The following CCDC136 variants were observed in gnomAD, a reference collection of about 807,000 sequenced individuals.
CCDC136 encodes the protein coiled-coil domain-containing protein 136.
CCDC136 carries 100 observed loss-of-function variants against 141.2 expected under a neutral mutation model. The observed-to-expected ratio is 0.71, with a 90% confidence interval of 0.60 to 0.84. CCDC136 has a LOEUF of 0.84. Among genes scored for constraint, CCDC136 ranks in the 40% least tolerant of loss-of-function variants. CCDC136 has a pLI of 0.00. For synonymous variants in CCDC136, 474 were observed against 531.9 expected, an observed-to-expected ratio of 0.89 and a Z score of 1.50; for missense variants, 1,206 against 1,379.4, an observed-to-expected ratio of 0.87 and a Z score of 1.99.
At position 128,811,739 on chromosome 7, in the gene CCDC136, G is replaced by A; in HGVS notation, c.2029-61G>A. ...CTCTCAGACATCTGTACCAGGAGAG[G>A]TGCAGCTGGAAGGACTGAAGTGTCA... is the stretch of plus-strand genomic sequence containing the variant. On this transcript the variant is annotated intron_variant, in intron 12 of 17. Coordinates refer to ENST00000297788, the MANE Select transcript of CCDC136 (RefSeq NM_022742.5). 3 of 1,446,476 alleles carry A rather than the reference G, an allele frequency of 2.1e-6. No homozygotes were observed. The South Asian group carries it at 4.1e-5, about 20-fold the overall frequency. The allele number at this position is 1,446,476 out of a possible 1,614,324, so 89.6% of individuals were successfully genotyped here. A position where few individuals can be genotyped will look rare whatever the true frequency, so the allele number is the denominator to read the frequency against.
chr7:128,810,159 G>C lies in CCDC136; in HGVS notation c.1821G>C (p.Lys607Asn). The C allele has an allele frequency of 1.3e-6, 2 of 1,595,716 alleles. No individual in the cohort carries two copies. The highest frequency in any genetic ancestry group is 1.7e-6 in the Non-Finnish European group (2 of 1,170,950). Residue 607 changes from lysine to asparagine, a missense_variant, in exon 12 of 18, where the codon AAG becomes AAC. By Grantham distance (94) the Lys-to-Asn change is moderately conservative. Transcript: ENST00000297788. The stretch of plus-strand genomic sequence containing the variant: ...CTCAGAGTCAGGAGCTACTCACCAA[G>C]TTAGAAGACCTGTGTGAGCTGCAGC... The part of the protein sequence containing the change: ...LLLKSQELLT[K>N]LEDLCELQLL...
chr7:128,812,409 G>A, intron 13 of CCDC136, 97 bp downstream of exon 13: 1 of 1,353,596 alleles, frequency 7.4e-7, no homozygotes, highest in South Asian at 1.4e-5. Flanking sequence ...GTGTGGGAAT[G>A]GGGTCAGAAC....
rs778961909 is a variant in CCDC136 at position 128,812,213 on chromosome 7, TAAG to T, written c.2447_2449del (p.Lys816del). ...CTACCAGCAACAGCAGCATTACCTA[TAAG>T]AAGAGTTACGGCAGCACCAGTAGCT... On this transcript the variant is annotated inframe_deletion, in exon 13 of 18. Transcript: ENST00000297788. 4 of 1,613,812 alleles carry T rather than the reference TAAG, an allele frequency of 2.5e-6. No homozygotes were observed. The highest frequency in any genetic ancestry group is 2.2e-5 in the South Asian group (2 of 91,082).
chr7:128,792,469 T>A, intron 1 of CCDC136, 42 bp downstream of exon 1: 1 of 1,454,678 alleles, frequency 6.9e-7, no homozygotes, highest in Non-Finnish European at 9.5e-7. Context: ...CCTCCCCTCC[T>A]CCCTTAATTC....
chr7:128,810,366 G>T lies in CCDC136; in HGVS notation c.2028G>T (p.Lys676Asn). 6.2e-7 allele frequency: 1 copy of T among 1,604,962 alleles called. No individual in the cohort carries two copies. Among genetic ancestry groups the T allele is most frequent in the Non-Finnish European group, 8.5e-7 (1 of 1,172,458 alleles). ...AGTCCTCCAAATGTAATCGAAACAA[G>T]GTAACCATAGCAAGAGGTAGGGAGA... ...LAKSSKCNRN[K>N]QSKLLMEQMQ... Residue 676 changes from lysine (K) to asparagine (N), a missense_variant and splice_region_variant, in exon 12 of 18, where the codon AAG (lysine) becomes AAT (asparagine). Physicochemically the swap from Lys to Asn is moderately conservative, Grantham distance 94. Transcript: ENST00000297788.
chr7:128,798,882 TG>T (rs1562907221), intron 3 of CCDC136, among the ~76,000 whole-genome samples: 1 of 151,980 alleles, frequency 6.6e-6, no homozygotes, highest in East Asian at 1.9e-4. Flanking sequence ...ATTCTAGAAC[TG>T]GAAAGATTGG....
chr7:128,817,105 A>G lies in CCDC136; in HGVS notation c.3364-653A>G, dbSNP rs1038914006. Among the ~76,000 whole-genome samples, 5 of 152,090 alleles carry G rather than the reference A, an allele frequency of 3.3e-5. No homozygotes were observed. Among genetic ancestry groups the G allele is most frequent in the African/African-American group, 9.7e-5 (4 of 41,390 alleles). On this transcript the variant is annotated intron_variant, in intron 16 of 17. Transcript: ENST00000297788. The surrounding 1 kb of genome is among the most constrained non-coding windows in gnomAD (Gnocchi z 4.6). ...TAGACCTGATTTTTCTACTTCAAAT[A>G]TATTCTATGTTTCTATATATGGAGA...
At chr7:128,791,772 C>T, upstream of CCDC136, 1 of 402,252 alleles carries the variant, frequency 2.5e-6, no homozygotes, top group East Asian at 3.6e-5. The surrounding 1 kb of genome is among the most constrained non-coding windows in gnomAD (Gnocchi z 7.1). Context: ...TGGTCCCTCC[C>T]CAGCGCGTCT....
rs1585041069 is a variant in CCDC136, at chr7:128,792,574, A to T, written c.16+147A>T. ...CCCTCTTCCTGCAGCTCAGAGCTCC[A>T]GCCCTTCCCAGGGCTCAGGCTTTGA... On this transcript the variant is annotated intron_variant, in intron 1 of 17. Coordinates refer to ENST00000297788, the MANE Select transcript of CCDC136 (RefSeq NM_022742.5). 22 of 614,402 alleles carry T rather than the reference A, an allele frequency of 3.6e-5. No individual in the cohort carries two copies. The East Asian group carries it at 7.0e-4, about 19-fold the overall frequency. The allele number at this position is 614,402 out of a possible 1,614,324, so 38.1% of individuals were successfully genotyped here.
chr7:128,807,511 C>A lies in CCDC136; in HGVS notation c.1571C>A (p.Pro524His). The change falls in exon 10 of 18, where the codon CCC (proline) becomes CAC (histidine). Residue 524 changes from proline to histidine, a missense_variant. Physicochemically the swap from Pro to His is moderately conservative, Grantham distance 77. Coordinates refer to ENST00000297788, the MANE Select transcript of CCDC136 (RefSeq NM_022742.5). ...LELKELKASH[P>H]IPEDKGKCAN... ...CTGAAAGAGCTCAAGGCCTCCCACC[C>A]CATTCCGGAGGACAAAGGAAAGTGT... 1 of 1,499,730 alleles carries A rather than the reference C, an allele frequency of 6.7e-7. No individual in the cohort carries two copies. Among genetic ancestry groups the A allele is most frequent in the East Asian group, 2.7e-5 (1 of 37,632 alleles). The allele number at this position is 1,499,730 out of a possible 1,614,324, so 92.9% of individuals were successfully genotyped here.
chr7:128,790,817 T>G (rs1802093377), upstream of CCDC136: 1 of 152,142 alleles, frequency 6.6e-6, no homozygotes, highest in Non-Finnish European at 1.5e-5. This position sits in a 1 kb window ranked among gnomAD's most constrained non-coding sequence, Gnocchi z 5.4. Context: ...AAGAGGGTCC[T>G]TGGCCCTGGC....
chr7:128,792,379 G>A lies in CCDC136; in HGVS notation c.-33G>A. On this transcript the variant is annotated 5_prime_UTR_variant, in exon 1 of 18. Coordinates refer to ENST00000297788, the MANE Select transcript of CCDC136 (RefSeq NM_022742.5). ...TTCCGAGGGCTGTGAGAGGAAGAAGGGCCAACGCTGGGGGTCCCTGGAACG... is the reference window on the plus strand; with the variant it reads ...TTCCGAGGGCTGTGAGAGGAAGAAGAGCCAACGCTGGGGGTCCCTGGAACG... 1 of 1,611,262 alleles carries A rather than the reference G, an allele frequency of 6.2e-7. No homozygotes were observed. Among genetic ancestry groups the A allele is most frequent in the African/African-American group, 1.3e-5 (1 of 74,658 alleles).
chr7:128,821,439 C>G lies in CCDC136; in HGVS notation c.*6-360C>G, dbSNP rs1274683361. 2.0e-5 allele frequency among the ~76,000 whole-genome samples: 3 copies of G among 152,214 alleles called. No homozygotes were observed. Among genetic ancestry groups the G allele is most frequent in the African/African-American group, 7.2e-5 (3 of 41,436 alleles). On this transcript the variant is annotated intron_variant, in intron 17 of 17. Coordinates refer to ENST00000297788, the MANE Select transcript of CCDC136 (RefSeq NM_022742.5). The surrounding 1 kb of genome is among the most constrained non-coding windows in gnomAD (Gnocchi z 5.1). The stretch of plus-strand genomic sequence containing the variant: ...ACTAATGAGGTGCTGCTGCTTTTCT[C>G]AAAGCCCCAGATTTCCCCTCCTCTT...
intron 13 of CCDC136, 34 bp downstream of exon 13, chr7:128,812,346 A>G (rs1805872371): frequency 6.3e-7 from 1 of 1,589,314 alleles, no homozygotes; most frequent in Non-Finnish European, 8.6e-7. Flanking sequence ...CAGGCAGGGG[A>G]CGATGGACTC....
At chr7:128,816,133 G>A (rs985878847) in intron 16 of CCDC136, among the ~76,000 whole-genome samples, 2 of 152,226 alleles carry the variant, frequency 1.3e-5, no homozygotes, top group Non-Finnish European at 2.9e-5. Flanking sequence ...GCTCAGCCCC[G>A]TTTGCTGTGG....
At chr7:128,810,500 T>G in intron 12 of CCDC136, 134 bp downstream of exon 12, 1 of 646,960 alleles carries the variant, frequency 1.5e-6, no homozygotes, top group Non-Finnish European at 2.7e-6. Context: ...AGCCCTGCCT[T>G]TCACCAGCTG....
chr7:128,810,551 C>A (rs1051829642), intron 12 of CCDC136, among the ~76,000 whole-genome samples, 185 bp downstream of exon 12: 14 of 152,174 alleles, frequency 9.2e-5, no homozygotes, highest in African/African-American at 2.7e-4. Context: ...CTTTTAGATA[C>A]GGCCTGAGGA....
intron 12 of CCDC136, 44 bp downstream of exon 12, chr7:128,810,410 C>G: frequency 7.1e-7 from 1 of 1,401,540 alleles, no homozygotes. Context: ...CTGAGCACAA[C>G]AGCATGGCAG....
intron 3 of CCDC136, among the ~76,000 whole-genome samples, chr7:128,797,916 G>T (rs371391674): frequency 2.0e-5 from 3 of 151,056 alleles, no homozygotes; most frequent in Admixed American, 2.0e-4. Flanking sequence ...GGAAAATAGG[G>T]TTCTATTTTT....
Sources: gnomAD v4.1 joint callset for allele counts (sites outside exome capture counted in the v4.1 genomes callset) on GRCh38, gnomAD v4.1.1 for gene constraint, Gnocchi (gnomAD v3.1) non-coding constraint, MANE v1.5 for transcripts, NCBI Gene and HGNC (gene_info 2026-07-23, HGNC 2026-07-21) for gene names.